Variants in DPT observed in about 807,000 individuals in gnomAD.
DPT encodes tyrosine-rich acidic matrix protein.
In DPT, 21 loss-of-function variants were observed where a neutral mutation model predicts 31.2. The ratio of observed to expected loss-of-function variants is 0.67; its 90% CI spans 0.48 to 0.97. The LOEUF is 0.97. DPT is among the 50% of genes least tolerant of loss of function. DPT has a pLI of 0.00. For synonymous variants in DPT, 91 were observed against 86.9 expected (o/e 1.05, Z -0.26); for missense variants, 262 against 258.8 (o/e 1.01, Z -0.08).
intron 2 of DPT, among the ~76,000 whole-genome samples, chr1:168,701,638 G>A (rs904852395): frequency 1.3e-5 from 2 of 152,148 alleles, no homozygotes; most frequent in Admixed American, 1.3e-4. Flanking sequence ...TGTACATATT[G>A]CGATAGTTTA....
chr1:168,728,757 G>T, intron 1 of DPT, 113 bp downstream of exon 1: 1 of 1,331,532 alleles, frequency 7.5e-7, no homozygotes. Context: ...GGTTTGGGGT[G>T]GGATTTGCCC....
In DPT at chr1:168,696,508, C is replaced by CT. The variant is rs1649469030; in HGVS notation, c.*40_*41insA. On this transcript the variant is annotated 3_prime_UTR_variant, in exon 4 of 4. Coordinates refer to ENST00000367817, the MANE Select transcript of DPT (RefSeq NM_001937.5). ...AACATATGTGGACACCCTCCTGTCC[C>CT]CGGCCCCTTTCCTTTCACCCAGATT... 6.6e-7 allele frequency: 1 copy of CT among 1,523,716 alleles called. No homozygotes were observed. Among genetic ancestry groups the CT allele is most frequent in the African/African-American group, 2.1e-5 (1 of 47,084 alleles). The allele number at this position is 1,523,716 out of a possible 1,614,324, so 94.4% of individuals were successfully genotyped here.
intron 2 of DPT, among the ~76,000 whole-genome samples, chr1:168,701,429 A>G (rs1001711069): frequency 1.3e-5 from 2 of 152,220 alleles, no homozygotes; most frequent in African/African-American, 4.8e-5. Flanking sequence ...TACTATTCCT[A>G]TTCTATTCAA....
At chr1:168,705,059 G>A (rs1051186615) in intron 2 of DPT, among the ~76,000 whole-genome samples, 3 of 152,194 alleles carry the variant, frequency 2.0e-5, no homozygotes, top group African/African-American at 7.2e-5. Context: ...ATACAATCTA[G>A]TTATATACAG....
chr1:168,717,190 A>C (rs187560710), intron 1 of DPT, among the ~76,000 whole-genome samples: 1 of 152,182 alleles, frequency 6.6e-6, no homozygotes, highest in African/African-American at 2.4e-5. Context: ...AAGAATTCCT[A>C]TTTCTTCACA....
intron 3 of DPT, among the ~76,000 whole-genome samples, chr1:168,700,646 AC>A (rs1045037194): frequency 5.3e-5 from 8 of 152,048 alleles, no homozygotes; most frequent in African/African-American, 1.9e-4. Context: ...AAAAGCTTAG[AC>A]CATCAAGGGA....
At chr1:168,703,204 A>G (rs1181739723) in intron 2 of DPT, among the ~76,000 whole-genome samples, 1 of 152,238 alleles carries the variant, frequency 6.6e-6, no homozygotes, top group African/African-American at 2.4e-5. Flanking sequence ...TTGCTAAGGC[A>G]GAATCTACAT....
intron 1 of DPT, among the ~76,000 whole-genome samples, chr1:168,725,215 A>C (rs7365537): frequency 1.8e-5 from 2 of 110,710 alleles, no homozygotes; most frequent in Non-Finnish European, 3.6e-5. Flanking sequence ...TTTCCTTTCC[A>C]TTCCTTTCCT....
rs1649580681 is a variant in DPT, at chr1:168,700,915, G to A, written c.539+102C>T. 6.9e-6 allele frequency: 5 copies of A among 725,970 alleles called. No homozygotes were observed. The Admixed American group carries it at 7.9e-5, about 11-fold the overall frequency. 45.0% of individuals were successfully genotyped at this position (725,970 alleles called of 1,614,324 possible). A position where few individuals can be genotyped will look rare whatever the true frequency, so the allele number is the denominator to read the frequency against. On this transcript the variant is annotated intron_variant, in intron 3 of 3. Coordinates refer to ENST00000367817, the MANE Select transcript of DPT (RefSeq NM_001937.5). ...CGTGTGTGTGTGTGTGTGGGTGTGT[G>A]TGTGTGTGTGTGTTTATAAATTCCT...
intron 1 of DPT, among the ~76,000 whole-genome samples, chr1:168,722,692 C>G (rs1193366215): frequency 6.6e-6 from 1 of 152,124 alleles, no homozygotes; most frequent in Non-Finnish European, 1.5e-5. Flanking sequence ...CTCACAACAA[C>G]AGTTCTAGGG....
At chr1:168,724,205 G>A (rs1650186620) in intron 1 of DPT, among the ~76,000 whole-genome samples, 1 of 152,288 alleles carries the variant, frequency 6.6e-6, no homozygotes, top group East Asian at 1.9e-4. Context: ...ATGTTTTAGC[G>A]ATCCTTAAGA....
Position 168,702,612 on chromosome 1 carries a change from C to CTTT in DPT, c.432-1491_432-1489dup, listed in dbSNP as rs10656421. Among the ~76,000 whole-genome samples the CTTT allele has an allele frequency of 3.8e-3, 503 of 132,380 alleles. 15 individuals carry two copies. Among genetic ancestry groups the CTTT allele is most frequent in the African/African-American group, 9.6e-3 (340 of 35,280 alleles). 86.8% of individuals were successfully genotyped at this position (132,380 alleles called of 152,430 possible). Reference sequence around the variant, plus strand: ...AGGACTTTACCTTTCAGGTAAATGTCTTTTTTTTTTTTTTTTTGAGACCAA... The same window carrying CTTT: ...AGGACTTTACCTTTCAGGTAAATGTCTTTTTTTTTTTTTTTTTTTTGAGACCAA... On this transcript the variant is annotated intron_variant, in intron 2 of 3. Coordinates refer to ENST00000367817, the MANE Select transcript of DPT (RefSeq NM_001937.5).
At chr1:168,718,739 A>G (rs932762784) in intron 1 of DPT, among the ~76,000 whole-genome samples, 2 of 152,236 alleles carry the variant, frequency 1.3e-5, no homozygotes, top group African/African-American at 4.8e-5. Context: ...ATAATAGCAC[A>G]TATGTATTAA....
At chr1:168,723,950 G>A (rs1650179775) in intron 1 of DPT, among the ~76,000 whole-genome samples, 1 of 152,156 alleles carries the variant, frequency 6.6e-6, no homozygotes, top group Non-Finnish European at 1.5e-5. Flanking sequence ...ACTCTAGAGT[G>A]TCTAGGAATG....
chr1:168,702,866 C>A (rs1159366574), intron 2 of DPT, among the ~76,000 whole-genome samples: 1 of 152,162 alleles, frequency 6.6e-6, no homozygotes, highest in African/African-American at 2.4e-5. Context: ...CCCGCCTCAG[C>A]CTCCCAAAGT....
chr1:168,695,998 A>G lies in DPT; in HGVS notation c.*551T>C, dbSNP rs1649457875. The G allele has an allele frequency of 2.6e-6, 1 of 391,666 alleles. No individual in the cohort carries two copies. Among genetic ancestry groups the G allele is most frequent in the African/African-American group, 2.1e-5 (1 of 48,318 alleles). 24.3% of individuals were successfully genotyped at this position (391,666 alleles called of 1,614,324 possible). On this transcript the variant is annotated 3_prime_UTR_variant, in exon 4 of 4. Transcript: ENST00000367817. Reference sequence around the variant, plus strand: ...CCCCATTTCACCTCCCAGTCTCCTCACTCCTGGAGCAAAGAGCTCTGCACT... The same window carrying G: ...CCCCATTTCACCTCCCAGTCTCCTCGCTCCTGGAGCAAAGAGCTCTGCACT...
At chr1:168,708,363 CAG>C (rs1402441807) in intron 2 of DPT, among the ~76,000 whole-genome samples, 3 of 152,056 alleles carry the variant, frequency 2.0e-5, no homozygotes, top group African/African-American at 7.2e-5. Context: ...TGCTCAAGTT[CAG>C]AGAGGCTGCT....
At chr1:168,720,927 G>T (rs1045023167) in intron 1 of DPT, among the ~76,000 whole-genome samples, 1 of 152,170 alleles carries the variant, frequency 6.6e-6, no homozygotes, top group Admixed American at 6.5e-5. Context: ...TAAGTCTTTT[G>T]ACAAATATTC....
chr1:168,716,172 A>G (rs2101908058), intron 1 of DPT, among the ~76,000 whole-genome samples: 1 of 152,282 alleles, frequency 6.6e-6, no homozygotes, highest in South Asian at 2.1e-4. Context: ...TAAATTTATT[A>G]TTTATTACTT....
Sources: gnomAD v4.1 joint callset for allele counts (sites outside exome capture counted in the v4.1 genomes callset) on GRCh38, gnomAD v4.1.1 for gene constraint, MANE v1.5 for transcripts, NCBI Gene and HGNC (gene_info 2026-07-23, HGNC 2026-07-21) for gene names.